The following MAPKAP1 variants were observed in gnomAD, a reference collection of about 807,000 sequenced individuals.
MAPKAP1 encodes target of rapamycin complex 2 subunit MAPKAP1.
Under a neutral mutation model 65.7 loss-of-function variants are expected in MAPKAP1, and 20 were observed. The ratio of observed to expected loss-of-function variants is 0.30; its 90% CI spans 0.21 to 0.44. The LOEUF (loss-of-function observed/expected upper bound fraction) is 0.44, where lower values mean the gene tolerates loss of function less well. Ranked by LOEUF, MAPKAP1 falls within the 20% of genes least tolerant of loss-of-function variation. The pLI is 1.00. For missense variants in MAPKAP1, 423 were observed against 648.0 expected, an observed-to-expected ratio of 0.65 and a Z score of 3.77; for synonymous variants, 222 against 244.3, an observed-to-expected ratio of 0.91 and a Z score of 0.85.
At chr9:125,500,379 G>A (rs2133070549) in intron 8 of MAPKAP1, among the ~76,000 whole-genome samples, 1 of 149,742 alleles carries the variant, frequency 6.7e-6, no homozygotes, top group South Asian at 2.1e-4. Context: ...ATTTTTAGTA[G>A]AGATGGGGTT....
intron 8 of MAPKAP1, among the ~76,000 whole-genome samples, chr9:125,489,935 C>T (rs779501651): frequency 2.6e-5 from 4 of 152,142 alleles, no homozygotes; most frequent in Non-Finnish European, 4.4e-5. Context: ...AAGGTGAAAC[C>T]GGGACAGATC....
At chr9:125,691,050 A>G (rs1835152238) in intron 1 of MAPKAP1, among the ~76,000 whole-genome samples, 2 of 152,192 alleles carry the variant, frequency 1.3e-5, no homozygotes, top group South Asian at 4.1e-4. Context: ...TCGCGAGGTC[A>G]GGAGAATGAG....
At chr9:125,522,343 C>T (rs923027880) in intron 7 of MAPKAP1, among the ~76,000 whole-genome samples, 2 of 152,208 alleles carry the variant, frequency 1.3e-5, no homozygotes, top group African/African-American at 4.8e-5. Context: ...AATGACGACA[C>T]TACGATTCAC....
chr9:125,669,696 C>CT, intron 3 of MAPKAP1, 122 bp downstream of exon 3: 1 of 497,386 alleles, frequency 2.0e-6, no homozygotes, highest in East Asian at 3.6e-5. Context: ...GAGCTCAAAG[C>CT]TCAAAACACT....
intron 4 of MAPKAP1, among the ~76,000 whole-genome samples, chr9:125,637,827 C>T (rs1833468581): frequency 6.6e-6 from 1 of 152,196 alleles, no homozygotes; most frequent in African/African-American, 2.4e-5. Context: ...TGCTGGAGTG[C>T]AGTGGCGCAG....
Position 125,681,289 on chromosome 9 carries a change from A to G in MAPKAP1, c.-69-8646T>C, listed in dbSNP as rs138130528. Among the ~76,000 whole-genome samples the G allele has an allele frequency of 4.5e-3, 680 of 152,352 alleles. 4 individuals carry two copies. The highest frequency in any genetic ancestry group is 9.1e-3 in the African/African-American group (379 of 41,582). ...GGAAATTCTGAACCTTGGCCTCAAG[A>G]GCGCTTGCAGCTTCTGCCCTGGCCT... On this transcript the variant is annotated intron_variant, in intron 1 of 11. Coordinates refer to ENST00000265960, the MANE Select transcript of MAPKAP1 (RefSeq NM_001006617.3).
chr9:125,492,180 G>A (rs1000209497), intron 8 of MAPKAP1, among the ~76,000 whole-genome samples: 3 of 152,266 alleles, frequency 2.0e-5, no homozygotes, highest in East Asian at 1.9e-4. Context: ...CATCCTGGGC[G>A]AGACCTGGCG....
At chr9:125,554,061 G>A (rs1464638383) in intron 6 of MAPKAP1, among the ~76,000 whole-genome samples, 1 of 152,096 alleles carries the variant, frequency 6.6e-6, no homozygotes, top group Non-Finnish European at 1.5e-5. Context: ...CCAACCCTAG[G>A]ATAACGTGGC....
At chr9:125,451,252 C>G (rs141379190) in intron 10 of MAPKAP1, among the ~76,000 whole-genome samples, 1 of 152,164 alleles carries the variant, frequency 6.6e-6, no homozygotes, top group African/African-American at 2.4e-5. Flanking sequence ...CAGCTGTTTT[C>G]GACACTTCTT....
intron 10 of MAPKAP1, chr9:125,451,114 A>T (rs1852931475): frequency 6.6e-6 from 1 of 152,190 alleles, no homozygotes; most frequent in Non-Finnish European, 1.5e-5. Context: ...CTTCCTGTAA[A>T]CATAATTAAA....
chr9:125,494,729 G>C (rs990859673), intron 8 of MAPKAP1, among the ~76,000 whole-genome samples: 1 of 152,150 alleles, frequency 6.6e-6, no homozygotes, highest in Admixed American at 6.5e-5. Context: ...CTTCAGATGA[G>C]CAGTCCCTTG....
intron 3 of MAPKAP1, among the ~76,000 whole-genome samples, chr9:125,665,333 A>G (rs1162889142): frequency 6.6e-6 from 1 of 152,140 alleles, no homozygotes; most frequent in Non-Finnish European, 1.5e-5. Flanking sequence ...AACAAAAAAG[A>G]AATAAATAAA....
intron 7 of MAPKAP1, among the ~76,000 whole-genome samples, chr9:125,540,933 C>G (rs1159559909): frequency 1.3e-5 from 2 of 152,196 alleles, no homozygotes; most frequent in Non-Finnish European, 2.9e-5. Context: ...CCTTTACCAA[C>G]CTAACCTTAA....
chr9:125,689,435 G>GGA (rs1835093070), intron 1 of MAPKAP1, among the ~76,000 whole-genome samples: 1 of 39,542 alleles, frequency 2.5e-5, no homozygotes, highest in Non-Finnish European at 5.5e-5. Flanking sequence ...ACTCCATCTC[G>GGA]GAAAAAAAAA....
At chr9:125,523,638 T>C (rs1829681297) in intron 7 of MAPKAP1, among the ~76,000 whole-genome samples, 2 of 152,236 alleles carry the variant, frequency 1.3e-5, no homozygotes, top group Admixed American at 1.3e-4. Flanking sequence ...AAAAGCTGTG[T>C]GAATTTAATG....
intron 4 of MAPKAP1, among the ~76,000 whole-genome samples, chr9:125,619,475 T>A (rs1314341061): frequency 4.0e-4 from 58 of 143,240 alleles, no homozygotes; most frequent in Admixed American, 2.5e-3. Context: ...AGACTCCATT[T>A]AAAAAAAAAA....
chr9:125,607,062 C>T (rs1372530023), intron 4 of MAPKAP1, among the ~76,000 whole-genome samples: 2 of 152,112 alleles, frequency 1.3e-5, no homozygotes, highest in Admixed American at 1.3e-4. Context: ...ATATTACATA[C>T]TTTAAAGGGA....
At chr9:125,477,678 G>A (rs1389469967) in intron 9 of MAPKAP1, among the ~76,000 whole-genome samples, 1 of 152,186 alleles carries the variant, frequency 6.6e-6, no homozygotes, top group Non-Finnish European at 1.5e-5. Context: ...CTGCCAGCCA[G>A]CCAACAAATA....
intron 4 of MAPKAP1, among the ~76,000 whole-genome samples, chr9:125,648,674 G>C (rs1266589263): frequency 1.3e-5 from 2 of 152,148 alleles, no homozygotes; most frequent in Non-Finnish European, 1.5e-5. Flanking sequence ...TGGGCACAGT[G>C]GTTCATACCT....
Sources: gnomAD v4.1 joint callset for allele counts (sites outside exome capture counted in the v4.1 genomes callset) on GRCh38, gnomAD v4.1.1 for gene constraint, MANE v1.5 for transcripts, NCBI Gene and HGNC (gene_info 2026-07-23, HGNC 2026-07-21) for gene names.